Variants in STAC observed in about 807,000 individuals in gnomAD.
The protein encoded by STAC is SH3 and cysteine-rich domain-containing protein.
Under a neutral mutation model 48.8 loss-of-function variants are expected in STAC, and 43 were observed. The observed-to-expected ratio is 0.88, with a 90% CI of 0.69 to 1.14. The LOEUF (loss-of-function observed/expected upper bound fraction) is 1.14, where lower values mean the gene tolerates loss of function less well. STAC is among the 50% of genes most tolerant of loss of function. The pLI is 0.00. For synonymous variants in STAC, 193 were observed against 179.5 expected (o/e 1.07, Z -0.60); for missense variants, 497 against 504.0 (o/e 0.99, Z 0.13).
intron 1 of STAC, among the ~76,000 whole-genome samples, chr3:36,396,035 T>C (rs888096732): frequency 2.0e-5 from 3 of 152,194 alleles, no homozygotes; most frequent in African/African-American, 4.8e-5. Context: ...ACCTCTGCGA[T>C]AGAGAAAACT....
intron 1 of STAC, among the ~76,000 whole-genome samples, chr3:36,391,832 G>A (rs970252323): frequency 2.6e-5 from 4 of 152,174 alleles, no homozygotes; most frequent in African/African-American, 9.7e-5. Context: ...CCTCATAGCT[G>A]AAGTTACAGC....
intron 8 of STAC, among the ~76,000 whole-genome samples, chr3:36,513,246 C>T (rs903890279): frequency 6.6e-6 from 1 of 152,192 alleles, no homozygotes; most frequent in Non-Finnish European, 1.5e-5. Flanking sequence ...ACTTACCCAC[C>T]TGCCTACCCC....
chr3:36,429,859 A>G (rs1468583133), intron 1 of STAC, among the ~76,000 whole-genome samples: 1 of 152,236 alleles, frequency 6.6e-6, no homozygotes, highest in Non-Finnish European at 1.5e-5. Flanking sequence ...GGCTGCTGGA[A>G]GATAAGACTG....
At chr3:36,393,587 C>A (rs937671394) in intron 1 of STAC, among the ~76,000 whole-genome samples, 11 of 151,182 alleles carry the variant, frequency 7.3e-5, no homozygotes, top group African/African-American at 2.7e-4. Context: ...GGACATCAGC[C>A]TTTGGGAGAT....
chr3:36,431,462 T>C (rs1700702831), intron 1 of STAC, among the ~76,000 whole-genome samples: 1 of 152,168 alleles, frequency 6.6e-6, no homozygotes, highest in African/African-American at 2.4e-5. Flanking sequence ...TCAGAACCCA[T>C]ACTCTCAGTT....
At chr3:36,454,660 A>G (rs533112000) in intron 2 of STAC, among the ~76,000 whole-genome samples, 51 of 152,324 alleles carry the variant, frequency 3.3e-4, no homozygotes, top group African/African-American at 1.2e-3. Flanking sequence ...GCAAGAGAAC[A>G]TCTTCATATG....
intron 10 of STAC, among the ~76,000 whole-genome samples, chr3:36,536,658 A>C (rs1244592784): frequency 6.6e-6 from 1 of 152,196 alleles, no homozygotes; most frequent in Non-Finnish European, 1.5e-5. Context: ...AGCAATTGCA[A>C]CAAAAGCAAA....
At chr3:36,460,120 G>A (rs1696969184) in intron 2 of STAC, among the ~76,000 whole-genome samples, 2 of 151,946 alleles carry the variant, frequency 1.3e-5, no homozygotes, top group African/African-American at 4.8e-5. Context: ...GAAAGAAGAG[G>A]GAATCTGTAA....
At chr3:36,532,739 G>A (rs1159906219) in intron 10 of STAC, among the ~76,000 whole-genome samples, 1 of 152,146 alleles carries the variant, frequency 6.6e-6, no homozygotes, top group Non-Finnish European at 1.5e-5. Context: ...TGGATGTGAT[G>A]ACCTGTTTTG....
intron 1 of STAC, among the ~76,000 whole-genome samples, chr3:36,420,093 C>A (rs746172401): frequency 1.3e-4 from 20 of 152,114 alleles, no homozygotes; most frequent in Non-Finnish European, 2.1e-4. Context: ...CTATTTAACA[C>A]TATTGTAACT....
chr3:36,527,008 T>G (rs539584534), intron 8 of STAC, among the ~76,000 whole-genome samples: 5 of 152,276 alleles, frequency 3.3e-5, no homozygotes, highest in African/African-American at 9.6e-5. Context: ...GACGCACCAA[T>G]TGACACACGC....
At chr3:36,500,526 G>C (rs1163292276) in intron 6 of STAC, among the ~76,000 whole-genome samples, 1 of 152,032 alleles carries the variant, frequency 6.6e-6, no homozygotes, top group Non-Finnish European at 1.5e-5. Flanking sequence ...TGGGTTGATA[G>C]ATACAGCAAA....
intron 3 of STAC, among the ~76,000 whole-genome samples, chr3:36,483,461 T>C (rs1258521900): frequency 6.6e-6 from 1 of 152,170 alleles, no homozygotes; most frequent in Non-Finnish European, 1.5e-5. Flanking sequence ...TTGGTCACTC[T>C]AGTGCTTCCT....
At chr3:36,421,939 GT>G (rs1700460968) in intron 1 of STAC, among the ~76,000 whole-genome samples, 1 of 151,710 alleles carries the variant, frequency 6.6e-6, no homozygotes, top group Non-Finnish European at 1.5e-5. Flanking sequence ...TGAAGATTAT[GT>G]TTATTCATAT....
intron 4 of STAC, 89 bp downstream of exon 4, chr3:36,485,147 T>C: frequency 1.8e-6 from 2 of 1,094,842 alleles, no homozygotes; most frequent in South Asian, 3.3e-5. Context: ...GCAAAACCCG[T>C]GGGGTATCTC....
chr3:36,490,821 G>A (rs183536547), intron 5 of STAC, among the ~76,000 whole-genome samples: 2 of 152,316 alleles, frequency 1.3e-5, no homozygotes, highest in East Asian at 1.9e-4. Context: ...ATATAGCTTT[G>A]TCTTTAGCAA....
intron 1 of STAC, among the ~76,000 whole-genome samples, chr3:36,390,019 A>C (rs748847183): frequency 9.2e-5 from 14 of 152,178 alleles, no homozygotes; most frequent in Admixed American, 6.5e-5. Context: ...TTGCTGGAGA[A>C]CTTCCAAAAG....
chr3:36,453,278 G>A lies in STAC; in HGVS notation c.388+9638G>A, dbSNP rs376309212. The stretch of plus-strand genomic sequence containing the variant: ...GAGCCCTTCAGCCCGCCGCTGCACT[G>A]TGGGGGCCCCATTCTGGGCTGGCCA... On this transcript the variant is annotated intron_variant, in intron 2 of 10. Transcript: ENST00000273183. Among the ~76,000 whole-genome samples, 9 of 152,370 alleles carry A rather than the reference G, an allele frequency of 5.9e-5. No individual in the cohort carries two copies. In the East Asian group the frequency reaches 1.7e-3, roughly 29 times the overall value.
chr3:36,539,325 A>C (rs1447094553), intron 10 of STAC, among the ~76,000 whole-genome samples: 1 of 152,082 alleles, frequency 6.6e-6, no homozygotes, highest in East Asian at 1.9e-4. Context: ...AGCACCCATT[A>C]GTTATTTTTT....
Sources: gnomAD v4.1 joint callset for allele counts (sites outside exome capture counted in the v4.1 genomes callset) on GRCh38, gnomAD v4.1.1 for gene constraint, MANE v1.5 for transcripts, NCBI Gene and HGNC (gene_info 2026-07-23, HGNC 2026-07-21) for gene names.